Variants in TNC observed in about 807,000 individuals in gnomAD.
TNC encodes tenascin C.
TNC carries 109 observed loss-of-function variants against 202.4 expected under a neutral mutation model. That is an observed-to-expected ratio of 0.54 (90% CI 0.46 to 0.63). TNC has a LOEUF of 0.63. Among genes scored for constraint, TNC ranks in the 30% least tolerant of loss-of-function variants. TNC has a pLI of 0.00. For synonymous variants in TNC, 1,007 were observed against 1,089.7 expected, an observed-to-expected ratio of 0.92 and a Z score of 1.50; for missense variants, 2,756 against 2,833.3, an observed-to-expected ratio of 0.97 and a Z score of 0.62.
At chr9:115,034,700 C>T (rs1367282230) in intron 22 of TNC, among the ~76,000 whole-genome samples, 4 of 152,104 alleles carry the variant, frequency 2.6e-5, no homozygotes, top group African/African-American at 9.7e-5. Context: ...AAATCTCCTT[C>T]GCTTGTTTGA....
intron 22 of TNC, among the ~76,000 whole-genome samples, chr9:115,032,639 G>A (rs1016436345): frequency 1.3e-5 from 2 of 152,218 alleles, no homozygotes; most frequent in African/African-American, 4.8e-5. Flanking sequence ...AACTTCCCAA[G>A]TGATTTGAAT....
At chr9:115,064,356 C>T (rs1832777106) in intron 11 of TNC, among the ~76,000 whole-genome samples, 1 of 152,134 alleles carries the variant, frequency 6.6e-6, no homozygotes, top group Admixed American at 6.5e-5. Flanking sequence ...GCCTTAACGT[C>T]CTTTAACAGG....
rs12238613 is a variant in TNC, at chr9:115,109,978, T to A, written c.-137+8004A>T. On this transcript the variant is annotated intron_variant, in intron 1 of 27. Coordinates refer to ENST00000350763, the MANE Select transcript of TNC (RefSeq NM_002160.4). ...TGTGCTAGGTTTCAGATAAACCAGATACAATTTTTTCTTTTAGGAACTATA... is the reference window on the plus strand; with the variant it reads ...TGTGCTAGGTTTCAGATAAACCAGAAACAATTTTTTCTTTTAGGAACTATA... 9.6e-3 allele frequency among the ~76,000 whole-genome samples: 1,455 copies of A among 152,270 alleles called. 57 individuals are homozygous for A. In the East Asian group the frequency reaches 0.11, roughly 12 times the overall value.
At position 115,078,080 on chromosome 9, in the gene TNC, C is replaced by A. The variant is rs201633665; in HGVS notation, c.2537G>T (p.Arg846Leu). 7 of 1,614,114 alleles carry A rather than the reference C, an allele frequency of 4.3e-6. No individual in the cohort carries two copies. In the East Asian group the frequency reaches 1.6e-4, roughly 36 times the overall value. ...GTCCTCTGTGAGATCGATGGTGGTACGGTCTCCTGGCACGTCTTTGATGCC... is the reference window on the plus strand; with the variant it reads ...GTCCTCTGTGAGATCGATGGTGGTAAGGTCTCCTGGCACGTCTTTGATGCC... ...TYGIKDVPGD[R>L]TTIDLTEDEN... The change falls in exon 7 of 28, where the codon CGT becomes CTT. Residue 846 changes from arginine (R) to leucine (L), a missense_variant. Coordinates refer to ENST00000350763, the MANE Select transcript of TNC (RefSeq NM_002160.4).
At chr9:115,076,694 C>T in intron 7 of TNC, 119 bp from the exon 8 acceptor site, 1 of 1,132,542 alleles carries the variant, frequency 8.8e-7, no homozygotes. Context: ...ACAAAATTCT[C>T]AGCACACTCA....
chr9:115,066,652 C>G (rs1832976762), intron 10 of TNC, among the ~76,000 whole-genome samples: 1 of 152,228 alleles, frequency 6.6e-6, no homozygotes, highest in South Asian at 2.1e-4. Flanking sequence ...AGGCCCACAT[C>G]TGGCCAGCTG....
At chr9:115,089,594 G>A (rs1278975949) in intron 2 of TNC, among the ~76,000 whole-genome samples, 4 of 151,814 alleles carry the variant, frequency 2.6e-5, no homozygotes, top group Non-Finnish European at 4.4e-5. Flanking sequence ...TCTGCCCCTC[G>A]GTTTCAAGTG....
At chr9:115,084,127 G>T in intron 4 of TNC, 82 bp downstream of exon 4, 1 of 1,446,596 alleles carries the variant, frequency 6.9e-7, no homozygotes, top group Non-Finnish European at 9.4e-7. Context: ...CTATAGGATT[G>T]TAGGGGCCGT....
At position 115,046,533 on chromosome 9, in the gene TNC, G is replaced by C; in HGVS notation, c.5002C>G (p.Leu1668Val). The change falls in exon 17 of 28, where the codon CTA becomes GTA. Residue 1668 changes from leucine to valine, a missense_variant. By Grantham distance (32) the Leu-to-Val change is conservative. This residue lies in a region of TNC where 2,559 missense variants were observed against 2,546.0 expected (regional missense o/e 1.01). Transcript: ENST00000350763. The part of the protein sequence containing the change: ...KKQSEPLEIT[L>V]LAPERTRDIT... ...TCCCTGGTACGTTCGGGGGCAAGTAGGGTTATTTCCAGTGGCTCAGACTGC... is the reference window on the plus strand; with the variant it reads ...TCCCTGGTACGTTCGGGGGCAAGTACGGTTATTTCCAGTGGCTCAGACTGC... 6.2e-7 allele frequency: 1 copy of C among 1,614,130 alleles called. No homozygotes were observed. The highest frequency in any genetic ancestry group is 1.1e-5 in the South Asian group (1 of 91,078).
intron 15 of TNC, among the ~76,000 whole-genome samples, chr9:115,054,929 A>G (rs1280226284): frequency 6.6e-6 from 1 of 152,218 alleles, no homozygotes; most frequent in Non-Finnish European, 1.5e-5. Flanking sequence ...TCAGACAAAA[A>G]TCACGAGAAC....
chr9:115,051,056 G>A (rs7875852), intron 15 of TNC, among the ~76,000 whole-genome samples: 94,100 of 151,986 alleles, frequency 0.62, 29,510 homozygotes, highest in African/African-American at 0.7. Context: ...GGCAAAGTCC[G>A]TCTTCTGAAA....
At chr9:115,023,921 C>T (rs972215229) in intron 27 of TNC, 52 bp downstream of exon 27, 40 of 1,581,748 alleles carry the variant, frequency 2.5e-5, no homozygotes, top group Non-Finnish European at 3.4e-5. Context: ...TTCCATTAGC[C>T]CCCTCCAGCT....
intron 11 of TNC, among the ~76,000 whole-genome samples, 163 bp downstream of exon 11, chr9:115,064,484 T>C (rs1832787092): frequency 6.6e-6 from 1 of 152,188 alleles, no homozygotes; most frequent in African/African-American, 2.4e-5. Flanking sequence ...GTATTAAAAG[T>C]TGCCTTGGGG....
chr9:115,110,512 G>C (rs1836958757), intron 1 of TNC, among the ~76,000 whole-genome samples: 1 of 152,088 alleles, frequency 6.6e-6, no homozygotes, highest in Non-Finnish European at 1.5e-5. Context: ...GCAGGGGGTG[G>C]TGATCAAGAA....
At position 115,021,048 on chromosome 9, in the gene TNC, C is replaced by A. The variant is rs913798169; in HGVS notation, c.*109G>T. The A allele has an allele frequency of 3.4e-5, 30 of 870,568 alleles. 1 individual carries two copies. In the South Asian group the frequency reaches 4.9e-4, roughly 14 times the overall value. The allele number at this position is 870,568 out of a possible 1,614,324, so 53.9% of individuals were successfully genotyped here. On this transcript the variant is annotated 3_prime_UTR_variant, in exon 28 of 28. Transcript: ENST00000350763. ...GATCCATGGTCAGCTTTGACTCTCACCAAATGCCCAGGTGTGGACCGATGG... is the reference window on the plus strand; with the variant it reads ...GATCCATGGTCAGCTTTGACTCTCAACAAATGCCCAGGTGTGGACCGATGG...
At chr9:115,037,916 G>A (rs552079279) in intron 20 of TNC, among the ~76,000 whole-genome samples, 7 of 152,148 alleles carry the variant, frequency 4.6e-5, no homozygotes, top group Non-Finnish European at 8.8e-5. Flanking sequence ...GGCCTGAAGC[G>A]GTCTGGTTAA....
intron 15 of TNC, among the ~76,000 whole-genome samples, chr9:115,053,220 CTTTATT>C (rs1054184983): frequency 6.6e-6 from 1 of 152,084 alleles, no homozygotes; most frequent in African/African-American, 2.4e-5. Flanking sequence ...TATTTGTGTT[CTTTATT>C]TTTATTTTAT....
intron 10 of TNC, among the ~76,000 whole-genome samples, chr9:115,066,727 A>T (rs1379547044): frequency 6.6e-6 from 1 of 152,222 alleles, no homozygotes; most frequent in East Asian, 1.9e-4. Flanking sequence ...CGGGAAATAA[A>T]TCCAAAGAAG....
chr9:115,031,823 C>G (rs1829967177), intron 22 of TNC, 138 bp from the exon 23 acceptor site: 2 of 1,024,690 alleles, frequency 2.0e-6, no homozygotes, highest in South Asian at 3.4e-5. Context: ...AGTACCCACT[C>G]TCTACCAGGC....
Sources: allele counts gnomAD v4.1 joint callset (sites outside exome capture counted in the v4.1 genomes callset), GRCh38; gene constraint gnomAD v4.1.1; regional missense constraint gnomAD v4.1.1; transcripts MANE v1.5; gene names NCBI Gene and HGNC (gene_info 2026-07-23, HGNC 2026-07-21).